The following NRG3 variants were observed in gnomAD, a reference collection of about 807,000 sequenced individuals.
NRG3 encodes the protein neuregulin 3, also known as pro-neuregulin-3, membrane-bound isoform.
In NRG3, 31 loss-of-function variants were observed where a neutral mutation model predicts 66.9. That is an observed-to-expected ratio of 0.46 (90% CI 0.35 to 0.63). The LOEUF (loss-of-function observed/expected upper bound fraction) is 0.63. Ranked by LOEUF, NRG3 falls within the 20% of genes least tolerant of loss-of-function variation. The pLI is 0.00. For synonymous variants in NRG3, 393 were observed against 359.4 expected (o/e 1.09, Z -1.06); for missense variants, 910 against 878.9 (o/e 1.04, Z -0.45).
chr10:81,988,950 G>T (rs2060631409), intron 1 of NRG3, among the ~76,000 whole-genome samples: 1 of 152,016 alleles, frequency 6.6e-6, no homozygotes, highest in African/African-American at 2.4e-5. Context: ...CAGAGTTAAG[G>T]GTGGGAGGCC....
At chr10:82,747,396 A>G (rs2058689766) in intron 3 of NRG3, among the ~76,000 whole-genome samples, 1 of 152,182 alleles carries the variant, frequency 6.6e-6, no homozygotes, top group South Asian at 2.1e-4. Context: ...TTGAGGATAA[A>G]TTCCTAGATT....
At position 82,486,013 on chromosome 10, in the gene NRG3, A is replaced by T. The variant is rs1399982481; in HGVS notation, c.953+127145A>T. On this transcript the variant is annotated intron_variant, in intron 2 of 8. Transcript: ENST00000372141. ...ACTTGAATAGACATTTCTTCAAAGA[A>T]TGCATACAAATGTCCCACAGATACA... Among the ~76,000 whole-genome samples the T allele has an allele frequency of 3.3e-5, 5 of 152,348 alleles. No individual in the cohort carries two copies. The East Asian group carries it at 7.7e-4, about 24-fold the overall frequency.
intron 1 of NRG3, among the ~76,000 whole-genome samples, chr10:82,030,252 G>A (rs1004694802): frequency 1.3e-5 from 2 of 152,102 alleles, no homozygotes; most frequent in Non-Finnish European, 2.9e-5. Context: ...GAATAAGGCT[G>A]TTGAGCTCCA....
intron 4 of NRG3, among the ~76,000 whole-genome samples, chr10:82,891,154 A>T (rs1347451172): frequency 1.3e-5 from 2 of 151,756 alleles, no homozygotes; most frequent in Non-Finnish European, 2.9e-5. Flanking sequence ...AGTTATTTTT[A>T]AAAAGAAAGA....
At chr10:82,244,339 C>T (rs1009482928) in intron 1 of NRG3, among the ~76,000 whole-genome samples, 1 of 152,118 alleles carries the variant, frequency 6.6e-6, no homozygotes, top group African/African-American at 2.4e-5. Context: ...ATAGCATCAA[C>T]TCTGTAGATT....
At chr10:82,741,862 C>A (rs184331584) in intron 3 of NRG3, among the ~76,000 whole-genome samples, 5 of 152,042 alleles carry the variant, frequency 3.3e-5, no homozygotes, top group Non-Finnish European at 5.9e-5. Flanking sequence ...CAATGACCTG[C>A]GGCAAACATT....
chr10:82,148,143 A>T (rs2070398260), intron 1 of NRG3, among the ~76,000 whole-genome samples: 1 of 152,070 alleles, frequency 6.6e-6, no homozygotes, highest in Non-Finnish European at 1.5e-5. Flanking sequence ...AACTTTGAAA[A>T]CTTAGATTCC....
At chr10:82,020,248 A>G (rs773014084) in intron 1 of NRG3, among the ~76,000 whole-genome samples, 1 of 152,116 alleles carries the variant, frequency 6.6e-6, no homozygotes, top group Non-Finnish European at 1.5e-5. Context: ...TTACTTTAAG[A>G]AAAGAAATCA....
chr10:82,280,190 C>G (rs554368102), intron 1 of NRG3, among the ~76,000 whole-genome samples: 1 of 151,166 alleles, frequency 6.6e-6, no homozygotes, highest in Non-Finnish European at 1.5e-5. Flanking sequence ...TGAAAAAAAT[C>G]TTTATTTTCT....
rs570489921 is a variant in NRG3 at position 82,114,368 on chromosome 10, C to T, written c.823+238205C>T. Among the ~76,000 whole-genome samples, 51 of 152,142 alleles carry T rather than the reference C, an allele frequency of 3.4e-4. No individual in the cohort carries two copies. The Middle Eastern group carries it at 0.014, about 41-fold the overall frequency. On this transcript the variant is annotated intron_variant, in intron 1 of 8. Transcript: ENST00000372141. ...AATTCAATTACTTCTAACTCGACCC[C>T]GGAGGAAAGTCTCTTGGAGAGAAGG...
chr10:82,102,113 C>CATATATATATATGTGTATTCATATATAT (rs71007296), intron 1 of NRG3, among the ~76,000 whole-genome samples: 3 of 86,022 alleles, frequency 3.5e-5, no homozygotes, highest in Non-Finnish European at 6.8e-5. Context: ...TATGTGTATT[C>CATATATATATATGTGTATTCATATATAT]ATATATATAT....
At chr10:82,527,463 C>T (rs1340100624) in intron 2 of NRG3, among the ~76,000 whole-genome samples, 1 of 152,140 alleles carries the variant, frequency 6.6e-6, no homozygotes, top group Non-Finnish European at 1.5e-5. Context: ...GACATGTTGG[C>T]TGTGTTCTGT....
At chr10:82,108,196 T>A (rs1386271407) in intron 1 of NRG3, among the ~76,000 whole-genome samples, 1 of 152,216 alleles carries the variant, frequency 6.6e-6, no homozygotes, top group East Asian at 1.9e-4. Flanking sequence ...CTATTACAGA[T>A]GATTTAGACT....
chr10:81,952,135 A>G (rs542246140), intron 1 of NRG3, among the ~76,000 whole-genome samples: 11 of 152,268 alleles, frequency 7.2e-5, no homozygotes, highest in Non-Finnish European at 1.0e-4. Context: ...AGATATACCT[A>G]ATGTTAAATG....
At chr10:82,070,047 T>G (rs1362370740) in intron 1 of NRG3, among the ~76,000 whole-genome samples, 3 of 152,174 alleles carry the variant, frequency 2.0e-5, no homozygotes, top group Non-Finnish European at 4.4e-5. Context: ...AGATCGTAGA[T>G]CTAACACATG....
chr10:82,091,984 G>A (rs1344901512), intron 1 of NRG3, among the ~76,000 whole-genome samples: 1 of 152,072 alleles, frequency 6.6e-6, no homozygotes, highest in Non-Finnish European at 1.5e-5. Flanking sequence ...AGTTTTCAAG[G>A]TTGAAACATG....
At chr10:82,389,855 C>G (rs1477285614) in intron 2 of NRG3, among the ~76,000 whole-genome samples, 1 of 152,128 alleles carries the variant, frequency 6.6e-6, no homozygotes, top group African/African-American at 2.4e-5. Flanking sequence ...AAGTCATTGA[C>G]ATTAACACGT....
chr10:82,809,436 A>T (rs1420742576), intron 3 of NRG3, among the ~76,000 whole-genome samples: 2 of 152,074 alleles, frequency 1.3e-5, no homozygotes, highest in Non-Finnish European at 2.9e-5. Flanking sequence ...CCCATTTAAA[A>T]AATGTGAACA....
chr10:82,458,566 G>A (rs1383641614), intron 2 of NRG3, among the ~76,000 whole-genome samples: 1 of 152,118 alleles, frequency 6.6e-6, no homozygotes, highest in African/African-American at 2.4e-5. Context: ...AAAAAGGCTG[G>A]AGAAACTGGA....
Sources: gnomAD v4.1 joint callset for allele counts (sites outside exome capture counted in the v4.1 genomes callset) on GRCh38, gnomAD v4.1.1 for gene constraint, MANE v1.5 for transcripts, NCBI Gene and HGNC (gene_info 2026-07-23, HGNC 2026-07-21) for gene names.